CTCF: variants seen among roughly 807,000 people sequenced by gnomAD.
The protein encoded by CTCF is CCCTC-binding factor, also known as transcriptional repressor CTCF.
CTCF carries 7 observed loss-of-function variants against 72.3 expected under a neutral mutation model. That is an observed-to-expected ratio of 0.10 (90% CI 0.06 to 0.18). The LOEUF is 0.18. Ranked by LOEUF, CTCF falls within the 10% of genes least tolerant of loss-of-function variation. The pLI is 1.00. For missense variants in CTCF, 516 were observed against 949.1 expected (o/e 0.54, Z 6.00); for synonymous variants, 374 against 315.8 (o/e 1.18, Z -1.95).
At chr16:67,577,448 T>A (rs1045376362) in intron 2 of CTCF, among the ~76,000 whole-genome samples, 3 of 146,686 alleles carry the variant, frequency 2.0e-5, no homozygotes, top group East Asian at 3.9e-4. Flanking sequence ...TTTTTTTTTT[T>A]ATTTTTTGAG....
At chr16:67,573,062 C>T (rs1001955180) in intron 2 of CTCF, among the ~76,000 whole-genome samples, 1 of 150,516 alleles carries the variant, frequency 6.6e-6, no homozygotes, top group Non-Finnish European at 1.5e-5. Context: ...ACCAGCCTGG[C>T]CAACATGGTG....
chr16:67,604,491 C>T (rs1316119754), intron 2 of CTCF, among the ~76,000 whole-genome samples: 4 of 152,006 alleles, frequency 2.6e-5, no homozygotes, highest in Non-Finnish European at 4.4e-5. Context: ...TATAGGCATC[C>T]GCCACCACGC....
chr16:67,635,185 C>A lies in CTCF; in HGVS notation c.1838-1505C>A, dbSNP rs143241251. Among the ~76,000 whole-genome samples the A allele has an allele frequency of 7.3e-3, 1,112 of 151,684 alleles. 10 individuals carry two copies. Among genetic ancestry groups the A allele is most frequent in the South Asian group, 0.011 (53 of 4,798 alleles). ...TACAGGCATGCATCATCACACCCGG[C>A]TAATTTTTTGTATTTTAGTAGAGAC... On this transcript the variant is annotated intron_variant, in intron 10 of 11. Coordinates refer to ENST00000264010, the MANE Select transcript of CTCF (RefSeq NM_006565.4).
intron 2 of CTCF, chr16:67,610,598 C>T (rs184353412): frequency 2.2e-4 from 47 of 210,684 alleles, no homozygotes; most frequent in Middle Eastern, 1.7e-3. Flanking sequence ...TCGTGATCCG[C>T]CCGCCTCAGC....
At chr16:67,566,801 G>A (rs886128967) in intron 1 of CTCF, among the ~76,000 whole-genome samples, 1 of 152,016 alleles carries the variant, frequency 6.6e-6, no homozygotes, top group African/African-American at 2.4e-5. Flanking sequence ...GGATGGTTTC[G>A]ATCTCCTGAC....
At position 67,616,712 on chromosome 16, in the gene CTCF, C is replaced by G. The variant is rs957682512; in HGVS notation, c.953-33C>G. On this transcript the variant is annotated intron_variant, in intron 4 of 11. Coordinates refer to ENST00000264010, the MANE Select transcript of CTCF (RefSeq NM_006565.4). ...CTCTGTCATTAACTGTGCCCTTGAT[C>G]TTGCTCTTCCTGTTACTCCATCCTT... 6 of 1,612,880 alleles carry G rather than the reference C, an allele frequency of 3.7e-6. No individual in the cohort carries two copies. The East Asian group carries it at 6.7e-5, about 18-fold the overall frequency.
In CTCF at chr16:67,608,447, T is replaced by C. The variant is rs79553686; in HGVS notation, c.-9-2377T>C. Among the ~76,000 whole-genome samples the C allele has an allele frequency of 1.4e-3, 218 of 152,312 alleles. 1 individual carries two copies. The highest frequency in any genetic ancestry group is 5.0e-3 in the African/African-American group (206 of 41,584). On this transcript the variant is annotated intron_variant, in intron 2 of 11. Coordinates refer to ENST00000264010, the MANE Select transcript of CTCF (RefSeq NM_006565.4). ...TGATGGTATGACATGGGCAGTTTTG[T>C]GCAGTGTCTACAAACACGGCCATTG... is the stretch of plus-strand genomic sequence containing the variant.
At chr16:67,577,999 A>G (rs552706359) in intron 2 of CTCF, among the ~76,000 whole-genome samples, 409 of 152,310 alleles carry the variant, frequency 2.7e-3, no homozygotes, top group Non-Finnish European at 5.2e-3. Flanking sequence ...GAACCTAAAG[A>G]ATCCCTTAAC....
chr16:67,616,980 A>T, intron 5 of CTCF, 102 bp downstream of exon 5: 3 of 1,201,152 alleles, frequency 2.5e-6, no homozygotes. Flanking sequence ...ATGAGGTAGA[A>T]AAATGTTAGT....
intron 2 of CTCF, among the ~76,000 whole-genome samples, chr16:67,575,990 A>T (rs1205365179): frequency 1.8e-5 from 2 of 112,316 alleles, no homozygotes; most frequent in African/African-American, 7.0e-5. Flanking sequence ...CCTTGTCTGT[A>T]AAAAAAAAAA....
At chr16:67,599,027 G>A (rs950096281) in intron 2 of CTCF, among the ~76,000 whole-genome samples, 1 of 152,220 alleles carries the variant, frequency 6.6e-6, no homozygotes, top group East Asian at 1.9e-4. Flanking sequence ...CGTGCATTGG[G>A]GTTGAGGGGA....
intron 1 of CTCF, among the ~76,000 whole-genome samples, chr16:67,569,378 G>A (rs2051383572): frequency 1.3e-5 from 2 of 151,276 alleles, no homozygotes; most frequent in Non-Finnish European, 2.9e-5. Flanking sequence ...TAGAGACGGG[G>A]TTTCACTATG....
At position 67,581,078 on chromosome 16, in the gene CTCF, G is replaced by A. The variant is rs561419063; in HGVS notation, c.-10+9814G>A. On this transcript the variant is annotated intron_variant, in intron 2 of 11. Transcript: ENST00000264010. Reference sequence around the variant, plus strand: ...CGAGAAGCTGGGACTACAGGCACCCGCCACCGCACCCAGCTAATTTTTTGT... The same window carrying A: ...CGAGAAGCTGGGACTACAGGCACCCACCACCGCACCCAGCTAATTTTTTGT... 4.9e-4 allele frequency among the ~76,000 whole-genome samples: 75 copies of A among 151,710 alleles called. 1 individual carries two copies. The highest frequency in any genetic ancestry group is 3.4e-3 in the Middle Eastern group (1 of 290).
rs764878501 is a variant in CTCF at position 67,626,712 on chromosome 16, A to G, written c.1515A>G (p.Arg505=). ...FKCDQCDYAC[R]QERHMIMHKR... ...GTGACCAGTGTGATTACGCTTGTAG[A>G]CAGGTAGGAACCTTCATTGAAAGTT... Residue 505 remains arginine (R), a synonymous_variant, in exon 8 of 12, where the codon AGA becomes AGG. Transcript: ENST00000264010. 8.1e-5 allele frequency: 116 copies of G among 1,436,176 alleles called. 1 individual carries two copies. The highest frequency in any genetic ancestry group is 1.0e-4 in the Non-Finnish European group (109 of 1,084,728). The allele number at this position is 1,436,176 out of a possible 1,614,324, so 89.0% of individuals were successfully genotyped here. A position where few individuals can be genotyped will look rare whatever the true frequency, so the allele number is the denominator to read the frequency against.
rs2052436954 is a variant in CTCF at position 67,636,783 on chromosome 16, C to T, written c.1931C>T (p.Ala644Val). Residue 644 changes from alanine to valine, a missense_variant, in exon 11 of 12, where the codon GCC (alanine) becomes GTC (valine). By Grantham distance (64) the Ala-to-Val change is moderately conservative. Around this residue, in one of 7 missense-constraint regions of CTCF, gnomAD observed 157 missense variants for 172.9 expected, o/e 0.91. Transcript: ENST00000264010. ...CCAGAGCCTCAGCCTGTGACCCCAG[C>T]CCCACCACCCGCCAAGAAGCGGAGA... ...PEPEPQPVTP[A>V]PPPAKKRRGR... The T allele has an allele frequency of 1.9e-6, 3 of 1,604,378 alleles. No homozygotes were observed. The highest frequency in any genetic ancestry group is 1.7e-5 in the Admixed American group (1 of 58,768).
intron 2 of CTCF, among the ~76,000 whole-genome samples, chr16:67,592,401 A>G (rs2051756937): frequency 6.6e-6 from 1 of 152,010 alleles, no homozygotes; most frequent in African/African-American, 2.4e-5. Context: ...GCAGAGCAAG[A>G]ATCTGTCTAA....
chr16:67,587,500 C>G lies in CTCF; in HGVS notation c.-10+16236C>G, dbSNP rs557451449. 2.6e-5 allele frequency among the ~76,000 whole-genome samples: 4 copies of G among 151,722 alleles called. No homozygotes were observed. In the South Asian group the frequency reaches 8.3e-4, roughly 32 times the overall value. ...TATAAAAATAAAAACCATGACAGTT[C>G]ACCCTATCATGTGTGCCCATTTCTG... On this transcript the variant is annotated intron_variant, in intron 2 of 11. Coordinates refer to ENST00000264010, the MANE Select transcript of CTCF (RefSeq NM_006565.4).
chr16:67,591,752 C>T (rs1376815831), intron 2 of CTCF, among the ~76,000 whole-genome samples: 8 of 152,062 alleles, frequency 5.3e-5, no homozygotes, highest in South Asian at 2.1e-4. Flanking sequence ...CAGAGTCTTG[C>T]GCTGTCACTC....
At chr16:67,628,733 GGAACACA>G (rs1234606111) in intron 9 of CTCF, among the ~76,000 whole-genome samples, 181 bp downstream of exon 9, 1 of 152,200 alleles carries the variant, frequency 6.6e-6, no homozygotes, top group Non-Finnish European at 1.5e-5. Context: ...CCACTGATGG[GGAACACA>G]GTATCTTTGA....
Sources: allele counts gnomAD v4.1 joint callset (sites outside exome capture counted in the v4.1 genomes callset), GRCh38; gene constraint gnomAD v4.1.1; regional missense constraint gnomAD v4.1.1; transcripts MANE v1.5; gene names NCBI Gene and HGNC (gene_info 2026-07-23, HGNC 2026-07-21).